Variants in ZCCHC14 observed in about 807,000 individuals in gnomAD.
The protein encoded by ZCCHC14 is zinc finger CCHC domain-containing protein 14.
A neutral mutation model predicts 85.0 loss-of-function variants in ZCCHC14; 16 were observed. The ratio of observed to expected loss-of-function variants is 0.19; its 90% CI spans 0.13 to 0.29. ZCCHC14 has a LOEUF of 0.29. Ranked by LOEUF, ZCCHC14 falls within the 10% of genes least tolerant of loss-of-function variation. The pLI is 1.00. For synonymous variants in ZCCHC14, 775 were observed against 630.7 expected (o/e 1.23, Z -3.43); for missense variants, 1,303 against 1,443.5 (o/e 0.90, Z 1.58).
chr16:87,430,285 G>C (rs994558695), intron 3 of ZCCHC14, among the ~76,000 whole-genome samples: 1 of 152,132 alleles, frequency 6.6e-6, no homozygotes, highest in African/African-American at 2.4e-5. Context: ...CAGGGTGTCT[G>C]CTGAAAAGCG....
intron 2 of ZCCHC14, among the ~76,000 whole-genome samples, chr16:87,444,960 G>C (rs1267777964): frequency 6.6e-6 from 1 of 152,090 alleles, no homozygotes; most frequent in African/African-American, 2.4e-5. Context: ...ATCACGATTT[G>C]GGGATGTTGG....
intron 2 of ZCCHC14, among the ~76,000 whole-genome samples, chr16:87,450,907 C>CT (rs959477359): frequency 1.3e-4 from 19 of 150,988 alleles, no homozygotes; most frequent in Admixed American, 2.6e-4. Context: ...TTTTCCTTTT[C>CT]TTTTTTTTGA....
intron 1 of ZCCHC14, among the ~76,000 whole-genome samples, chr16:87,475,372 C>G (rs1597449889): frequency 1.3e-5 from 2 of 151,904 alleles, no homozygotes; most frequent in East Asian, 3.9e-4. Context: ...GCCAACATGG[C>G]AAAACCCTGT....
At chr16:87,416,383 GGCCATCTCAAT>G in intron 8 of ZCCHC14, among the ~76,000 whole-genome samples, 1 of 152,200 alleles carries the variant, frequency 6.6e-6, no homozygotes, top group Non-Finnish European at 1.5e-5. Flanking sequence ...TTGTGATTTA[GGCCATCTCAAT>G]GCAAACGTAA....
At chr16:87,487,458 C>G (rs978521003) in intron 1 of ZCCHC14, among the ~76,000 whole-genome samples, 1 of 152,198 alleles carries the variant, frequency 6.6e-6, no homozygotes, top group African/African-American at 2.4e-5. Context: ...ACCAAATGCA[C>G]CAGCCCGGAG....
chr16:87,441,313 T>C lies in ZCCHC14; in HGVS notation c.695-8112A>G, dbSNP rs118120085. Among the ~76,000 whole-genome samples the C allele has an allele frequency of 4.7e-3, 710 of 152,330 alleles. 19 individuals are homozygous for C. The East Asian group carries it at 0.065, about 14-fold the overall frequency. ...GGCCTCCCATACACCTTCATATAAA[T>C]ACTCAAGCTGATTACTAATAGAGTC... On this transcript the variant is annotated intron_variant, in intron 2 of 12. Transcript: ENST00000671377.
intron 8 of ZCCHC14, among the ~76,000 whole-genome samples, chr16:87,417,113 G>C (rs145212276): frequency 6.6e-5 from 10 of 152,314 alleles, no homozygotes; most frequent in Non-Finnish European, 1.5e-4. Context: ...CAGTGTCTGC[G>C]CCAGCTACGC....
At position 87,474,810 on chromosome 16, in the gene ZCCHC14, A is replaced by C. The variant is rs116263604; in HGVS notation, c.571-14679T>G. 5.5e-3 allele frequency among the ~76,000 whole-genome samples: 835 copies of C among 152,380 alleles called. 8 individuals are homozygous for C. The highest frequency in any genetic ancestry group is 0.018 in the African/African-American group (759 of 41,588). ...CCTGGGAGGGGACAGCACGCTCTGC[A>C]CATCAACTCTGTGTGAGCCCTGCAA... On this transcript the variant is annotated intron_variant, in intron 1 of 12. Transcript: ENST00000671377.
intron 12 of ZCCHC14, among the ~76,000 whole-genome samples, chr16:87,411,190 T>C (rs1034385652): frequency 5.3e-5 from 8 of 152,222 alleles, no homozygotes; most frequent in South Asian, 2.1e-4. Context: ...AGGGCCCCAG[T>C]GTTAAGCCAG....
intron 3 of ZCCHC14, among the ~76,000 whole-genome samples, chr16:87,427,771 G>A (rs1156916163): frequency 1.3e-5 from 2 of 151,274 alleles, no homozygotes; most frequent in African/African-American, 2.4e-5. Flanking sequence ...CTCAGTAGCT[G>A]GGAATATAGG....
At position 87,411,520 on chromosome 16, in the gene ZCCHC14, C is replaced by A. The variant is rs1340872761; in HGVS notation, c.3201G>T (p.Arg1067=). The change falls in exon 12 of 13, where the codon CGG becomes CGT. Residue 1067 remains arginine (R), a synonymous_variant. Transcript: ENST00000671377. ...GCGGCCATGGCGCGCGCTTACCTGG[C>A]CGGTTGAAGTCCATGGACGGCTGTT... The part of the protein sequence containing the change: ...DCKQPSMDFN[R]PGTFRLKYAP... 2 of 1,613,400 alleles carry A rather than the reference C, an allele frequency of 1.2e-6. No homozygotes were observed. The highest frequency in any genetic ancestry group is 1.1e-5 in the South Asian group (1 of 91,084).
chr16:87,420,488 A>T lies in ZCCHC14; in HGVS notation c.950+119T>A. On this transcript the variant is annotated intron_variant, in intron 5 of 12. Coordinates refer to ENST00000671377, the MANE Select transcript of ZCCHC14 (RefSeq NM_015144.3). This position sits in a 1 kb window ranked among gnomAD's most constrained non-coding sequence, Gnocchi z 5.0. ...GGAAATCCCTAGAGGCCAAGTAGAGACCCAGGTCCAGGTGACCGCGCATCC... is the reference window on the plus strand; with the variant it reads ...GGAAATCCCTAGAGGCCAAGTAGAGTCCCAGGTCCAGGTGACCGCGCATCC... 1.4e-6 allele frequency: 1 copy of T among 715,784 alleles called. No homozygotes were observed. The highest frequency in any genetic ancestry group is 2.3e-6 in the Non-Finnish European group (1 of 442,566). 44.3% of individuals were successfully genotyped at this position (715,784 alleles called of 1,614,324 possible).
At chr16:87,413,312 G>A (rs1908582982) in intron 10 of ZCCHC14, 117 bp from the exon 11 acceptor site, 5 of 1,391,698 alleles carry the variant, frequency 3.6e-6, no homozygotes, top group African/African-American at 1.5e-5. Flanking sequence ...GCAGGGCTCT[G>A]AGAGTCAGAA....
chr16:87,425,086 C>T (rs1007257802), intron 3 of ZCCHC14, among the ~76,000 whole-genome samples: 15 of 152,196 alleles, frequency 9.9e-5, no homozygotes, highest in South Asian at 2.1e-4. Context: ...AGGCCAGTCT[C>T]GTCACATCAC....
At chr16:87,447,372 T>C (rs1264330705) in intron 2 of ZCCHC14, among the ~76,000 whole-genome samples, 2 of 152,100 alleles carry the variant, frequency 1.3e-5, no homozygotes, top group Non-Finnish European at 2.9e-5. Flanking sequence ...TACAATTCAA[T>C]GAGTTTGGGT....
Position 87,412,952 on chromosome 16 carries a change from G to C in ZCCHC14, c.1769C>G (p.Ser590Cys), listed in dbSNP as rs1908555207. The C allele has an allele frequency of 6.2e-7, 1 of 1,608,726 alleles. No individual in the cohort carries two copies. The change falls in exon 12 of 13, where the codon TCT becomes TGT. Residue 590 changes from serine (S) to cysteine (C), a missense_variant. This residue lies in a region of ZCCHC14 where 797 missense variants were observed against 730.8 expected (regional missense o/e 1.09). Coordinates refer to ENST00000671377, the MANE Select transcript of ZCCHC14 (RefSeq NM_015144.3). ...CAGCATCACCGGCTTCTCCTTGTCAGAGCTCTCCAAGTGAATCTCCACACC... is the reference window on the plus strand; with the variant it reads ...CAGCATCACCGGCTTCTCCTTGTCACAGCTCTCCAAGTGAATCTCCACACC... ...DRRVEIHLES[S>C]DKEKPVMLLN...
intron 3 of ZCCHC14, among the ~76,000 whole-genome samples, chr16:87,432,351 T>C (rs1909704920): frequency 1.3e-5 from 2 of 152,028 alleles, no homozygotes; most frequent in South Asian, 4.1e-4. Flanking sequence ...GCCAACAAAA[T>C]ATAAGTGAAG....
At chr16:87,465,480 T>C (rs1430211780) in intron 1 of ZCCHC14, among the ~76,000 whole-genome samples, 1 of 152,204 alleles carries the variant, frequency 6.6e-6, no homozygotes, top group African/African-American at 2.4e-5. Context: ...CTACTGGTAG[T>C]CACGGGGCAC....
At position 87,438,452 on chromosome 16, in the gene ZCCHC14, C is replaced by T. The variant is rs371945381; in HGVS notation, c.695-5251G>A. On this transcript the variant is annotated intron_variant, in intron 2 of 12. Coordinates refer to ENST00000671377, the MANE Select transcript of ZCCHC14 (RefSeq NM_015144.3). The stretch of plus-strand genomic sequence containing the variant: ...TTACTTTTTTAGATACAGAGAAAGT[C>T]TTCCAGCCAGTAGCAACTCACAGTT... Among the ~76,000 whole-genome samples the T allele has an allele frequency of 2.6e-5, 4 of 152,322 alleles. No individual in the cohort carries two copies. The East Asian group carries it at 5.8e-4, about 22-fold the overall frequency.
Sources: gnomAD v4.1 joint callset for allele counts (sites outside exome capture counted in the v4.1 genomes callset) on GRCh38, gnomAD v4.1.1 for gene constraint, gnomAD v4.1.1 regional missense constraint, Gnocchi (gnomAD v3.1) non-coding constraint, MANE v1.5 for transcripts, NCBI Gene and HGNC (gene_info 2026-07-23, HGNC 2026-07-21) for gene names.